Variants in PIP5K1B observed in about 807,000 individuals in gnomAD.
PIP5K1B encodes phosphatidylinositol 4-phosphate 5-kinase type-1 beta.
In PIP5K1B, 42 loss-of-function variants were observed where a neutral mutation model predicts 67.0. The ratio of observed to expected loss-of-function variants is 0.63; its 90% confidence interval spans 0.49 to 0.81. PIP5K1B has a LOEUF of 0.81. Ranked by LOEUF, PIP5K1B falls within the 30% of genes least tolerant of loss-of-function variation. The probability of loss-of-function intolerance (pLI) is 0.00; values close to 1 mark genes in which losing one functional copy is unlikely to be tolerated. For synonymous variants in PIP5K1B, 214 were observed against 231.4 expected, an observed-to-expected ratio of 0.92 and a Z score of 0.68; for missense variants, 459 against 646.3, an observed-to-expected ratio of 0.71 and a Z score of 3.14.
At chr9:68,828,101 A>C (rs1372689899) in intron 4 of PIP5K1B, among the ~76,000 whole-genome samples, 1 of 152,198 alleles carries the variant, frequency 6.6e-6, no homozygotes, top group Non-Finnish European at 1.5e-5. Flanking sequence ...AGTGTTTCCC[A>C]ACACCAGGGC....
chr9:68,763,582 TG>T (rs1830286426), intron 2 of PIP5K1B, among the ~76,000 whole-genome samples: 1 of 152,056 alleles, frequency 6.6e-6, no homozygotes, highest in Non-Finnish European at 1.5e-5. Context: ...TACTGTTGGC[TG>T]GGGAAATTGT....
At chr9:68,875,529 C>T (rs1429707424) in intron 5 of PIP5K1B, among the ~76,000 whole-genome samples, 1 of 152,064 alleles carries the variant, frequency 6.6e-6, no homozygotes, top group African/African-American at 2.4e-5. Flanking sequence ...TCAACAAATA[C>T]TTATTGAGTG....
chr9:68,859,794 A>C (rs1290326120), intron 4 of PIP5K1B, among the ~76,000 whole-genome samples: 2 of 152,088 alleles, frequency 1.3e-5, no homozygotes, highest in African/African-American at 4.8e-5. Context: ...CATCAGAGAC[A>C]CTCCAGGTAG....
At chr9:68,777,205 C>G (rs1265301148) in intron 2 of PIP5K1B, among the ~76,000 whole-genome samples, 1 of 152,178 alleles carries the variant, frequency 6.6e-6, no homozygotes, top group Non-Finnish European at 1.5e-5. Flanking sequence ...CCCTTTTAGA[C>G]AAAGCTATAT....
chr9:68,928,762 A>G (rs1337774551), intron 12 of PIP5K1B, among the ~76,000 whole-genome samples: 2 of 152,200 alleles, frequency 1.3e-5, no homozygotes, highest in African/African-American at 4.8e-5. Flanking sequence ...GGTGATTCCT[A>G]TCTACTTTTC....
chr9:68,990,060 G>T (rs1430275494), intron 14 of PIP5K1B, among the ~76,000 whole-genome samples: 5 of 152,126 alleles, frequency 3.3e-5, no homozygotes, highest in Non-Finnish European at 7.4e-5. Context: ...AACAATGGTG[G>T]CTTCTCTTCA....
At chr9:68,772,697 C>G (rs1204318244) in intron 2 of PIP5K1B, among the ~76,000 whole-genome samples, 1 of 152,110 alleles carries the variant, frequency 6.6e-6, no homozygotes, top group Admixed American at 6.6e-5. Flanking sequence ...GTATATGAAC[C>G]TTCCAATTCA....
intron 12 of PIP5K1B, 76 bp downstream of exon 12, chr9:68,923,462 A>T (rs539254400): frequency 4.2e-6 from 3 of 721,274 alleles, no homozygotes; most frequent in Admixed American, 5.0e-5. Context: ...TTTTTATTGG[A>T]AGAACTAACA....
intron 4 of PIP5K1B, among the ~76,000 whole-genome samples, chr9:68,847,829 A>G (rs1001374672): frequency 6.6e-6 from 1 of 152,208 alleles, no homozygotes; most frequent in Non-Finnish European, 1.5e-5. Flanking sequence ...TTAAAAGAGT[A>G]GAAGCTGGCT....
chr9:68,830,575 A>T (rs1834257900), intron 4 of PIP5K1B, among the ~76,000 whole-genome samples: 1 of 151,642 alleles, frequency 6.6e-6, no homozygotes, highest in South Asian at 2.1e-4. Flanking sequence ...TTAACTGTAG[A>T]CTCTCTGTGT....
intron 1 of PIP5K1B, among the ~76,000 whole-genome samples, chr9:68,727,264 G>T (rs1000831036): frequency 2.0e-5 from 3 of 152,122 alleles, no homozygotes; most frequent in Non-Finnish European, 2.9e-5. Flanking sequence ...AAAATTTGAA[G>T]AACAGTTACC....
chr9:68,894,763 C>G, intron 8 of PIP5K1B, 125 bp downstream of exon 8: 1 of 883,160 alleles, frequency 1.1e-6, no homozygotes, highest in Non-Finnish European at 1.8e-6. Flanking sequence ...TCCTATCTTT[C>G]CCAATCCTGG....
intron 1 of PIP5K1B, among the ~76,000 whole-genome samples, chr9:68,713,987 C>G (rs1194747105): frequency 6.6e-6 from 1 of 152,176 alleles, no homozygotes; most frequent in Non-Finnish European, 1.5e-5. Flanking sequence ...AGGGATGGCA[C>G]AAAGGTTCTA....
chr9:68,841,779 G>A (rs1015857900), intron 4 of PIP5K1B, among the ~76,000 whole-genome samples: 5 of 152,318 alleles, frequency 3.3e-5, no homozygotes, highest in Middle Eastern at 6.8e-3. Context: ...ATCATTTGAG[G>A]TGGAAATAGC....
At chr9:69,000,869 T>A (rs998172467) in intron 15 of PIP5K1B, among the ~76,000 whole-genome samples, 2 of 150,688 alleles carry the variant, frequency 1.3e-5, no homozygotes, top group Admixed American at 6.6e-5. Flanking sequence ...AGTGCTGAGA[T>A]GGAAAAGGCT....
Position 69,008,450 on chromosome 9 carries a change from G to A in PIP5K1B, c.*1G>A, listed in dbSNP as rs114949674. The A allele has an allele frequency of 1.1e-3, 1,849 of 1,613,810 alleles. 15 individuals carry two copies. The African/African-American group carries it at 0.022, about 19-fold the overall frequency. ...CCTGCTTTTTTGCTCCCCCCAGTAA[G>A]TGAAAATGGTGATCACCTAAGCACA... On this transcript the variant is annotated 3_prime_UTR_variant, in exon 16 of 16. Coordinates refer to ENST00000265382, the MANE Select transcript of PIP5K1B (RefSeq NM_003558.4).
intron 15 of PIP5K1B, among the ~76,000 whole-genome samples, chr9:69,000,271 T>C (rs1219052046): frequency 6.6e-6 from 1 of 152,122 alleles, no homozygotes; most frequent in Non-Finnish European, 1.5e-5. Context: ...CTTCCACAGG[T>C]CCTCGCCTAC....
chr9:68,796,195 G>A (rs1224288933), intron 2 of PIP5K1B, among the ~76,000 whole-genome samples: 3 of 152,278 alleles, frequency 2.0e-5, no homozygotes, highest in African/African-American at 7.2e-5. Context: ...TACAGTGAAT[G>A]TTTTAAATAT....
Position 68,754,175 on chromosome 9 carries a change from C to CT in PIP5K1B, c.-86+11530dup, listed in dbSNP as rs71353081. Among the ~76,000 whole-genome samples, 178 of 101,052 alleles carry CT rather than the reference C, an allele frequency of 1.8e-3. 24 individuals carry two copies. Among genetic ancestry groups the CT allele is most frequent in the Non-Finnish European group, 1.9e-3 (103 of 53,094 alleles). 66.3% of individuals were successfully genotyped at this position (101,052 alleles called of 152,430 possible). ...AGTCTTCTTTTATGTTCCATGATTT[C>CT]TTTTTTTTTTTTGAGACAGAGTCTC... On this transcript the variant is annotated intron_variant, in intron 2 of 15. Coordinates refer to ENST00000265382, the MANE Select transcript of PIP5K1B (RefSeq NM_003558.4).
Sources: gnomAD v4.1 joint callset for allele counts (sites outside exome capture counted in the v4.1 genomes callset) on GRCh38, gnomAD v4.1.1 for gene constraint, MANE v1.5 for transcripts, NCBI Gene and HGNC (gene_info 2026-07-23, HGNC 2026-07-21) for gene names.